Variants in ZNF850 observed in about 807,000 individuals in gnomAD.
ZNF850 encodes putative zinc finger protein ENSP00000330994.
ZNF850 carries 2 observed loss-of-function variants against 11.9 expected under a neutral mutation model. The observed-to-expected ratio is 0.17, with a 90% CI of 0.07 to 0.53. The LOEUF is 0.53. ZNF850 is among the 20% of genes least tolerant of loss of function. The probability of loss-of-function intolerance (pLI) is 0.94; values close to 1 mark genes in which losing one functional copy is unlikely to be tolerated. For synonymous variants in ZNF850, 381 were observed against 443.0 expected, an observed-to-expected ratio of 0.86 and a Z score of 1.76; for missense variants, 1,014 against 1,316.4, an observed-to-expected ratio of 0.77 and a Z score of 3.55.
chr19:36,762,045 C>CAAAAAAAAAAAAAA (rs374193379), intron 3 of ZNF850, among the ~76,000 whole-genome samples: 1 of 114,248 alleles, frequency 8.8e-6, no homozygotes. Context: ...GACTTTGTCT[C>CAAAAAAAAAAAAAA]AAAAAAAAAA....
Position 36,747,974 on chromosome 19 carries a change from T to G in ZNF850, c.3066A>C (p.Ser1022=), listed in dbSNP as rs2040423162. ...KECGKAFRCP[S]QLSQHKRIHT... ...GGATTCGTTTATGTTGACTAAGTTG[T>G]GAAGGACATCTAAAGGCCTTCCCAC... Residue 1022 remains serine, a synonymous_variant, in exon 5 of 5, where the codon TCA becomes TCC. Coordinates refer to ENST00000591344, the MANE Select transcript of ZNF850 (RefSeq NM_001193552.2). 1 of 1,584,214 alleles carries G rather than the reference T, an allele frequency of 6.3e-7. No homozygotes were observed. The highest frequency in any genetic ancestry group is 1.1e-5 in the South Asian group (1 of 87,868).
At chr19:36,767,266 A>T (rs2040554519) in intron 1 of ZNF850, among the ~76,000 whole-genome samples, 1 of 148,360 alleles carries the variant, frequency 6.7e-6, no homozygotes. Flanking sequence ...AAATATAAAA[A>T]TACAAAAAAG....
intron 3 of ZNF850, 104 bp downstream of exon 3, chr19:36,762,200 TC>T: frequency 1.0e-6 from 1 of 970,594 alleles, no homozygotes; most frequent in Non-Finnish European, 1.5e-6. Flanking sequence ...CATCTATTAA[TC>T]TACAAAACAC....
chr19:36,752,723 T>A (rs1284832059), intron 4 of ZNF850, among the ~76,000 whole-genome samples: 1 of 152,078 alleles, frequency 6.6e-6, no homozygotes, highest in East Asian at 1.9e-4. Context: ...CTTCAACATA[T>A]AAATTTCAAG....
chr19:36,765,949 G>A (rs1272808439), intron 1 of ZNF850, among the ~76,000 whole-genome samples: 3 of 150,342 alleles, frequency 2.0e-5, no homozygotes, highest in Non-Finnish European at 3.0e-5. Context: ...CGTGCAGTGA[G>A]GTGATCACAG....
intron 4 of ZNF850, among the ~76,000 whole-genome samples, chr19:36,752,079 G>T (rs928359043): frequency 1.3e-5 from 2 of 152,086 alleles, no homozygotes; most frequent in Admixed American, 1.3e-4. Flanking sequence ...ATTAAAAAAT[G>T]AATCATTGAA....
Position 36,744,786 on chromosome 19 carries a change from TA to T in ZNF850, c.*2980del, listed in dbSNP as rs2040401554. The stretch of plus-strand genomic sequence containing the variant: ...AGAACAAACATTTGATTTGTTTCCA[TA>T]AATTGAGACAAACCTCAACTGACTA... On this transcript the variant is annotated 3_prime_UTR_variant, in exon 5 of 5. Coordinates refer to ENST00000591344, the MANE Select transcript of ZNF850 (RefSeq NM_001193552.2). 6.6e-6 allele frequency: 1 copy of T among 152,116 alleles called. No individual in the cohort carries two copies. The highest frequency in any genetic ancestry group is 2.1e-4 in the South Asian group (1 of 4,828). The allele number at this position is 152,116 out of a possible 1,614,324, so 9.4% of individuals were successfully genotyped here.
chr19:36,757,995 A>T (rs2145962346), intron 4 of ZNF850, among the ~76,000 whole-genome samples: 1 of 152,264 alleles, frequency 6.6e-6, no homozygotes, highest in Non-Finnish European at 1.5e-5. Context: ...CCAAAAAGTG[A>T]ATTTTTCATT....
chr19:36,772,336 C>T lies in ZNF850; in HGVS notation c.-70+389G>A, dbSNP rs182323560. Reference sequence around the variant, plus strand: ...CAATCGCACACATGCCTCCGCATATCCACTTACCCACTGCCTCACAGCCAA... The same window carrying T: ...CAATCGCACACATGCCTCCGCATATTCACTTACCCACTGCCTCACAGCCAA... On this transcript the variant is annotated intron_variant, in intron 1 of 4. Transcript: ENST00000591344. Among the ~76,000 whole-genome samples, 1,153 of 152,268 alleles carry T rather than the reference C, an allele frequency of 7.6e-3. 12 individuals are homozygous for T. Among genetic ancestry groups the T allele is most frequent in the Non-Finnish European group, 0.012 (840 of 68,018 alleles).
chr19:36,758,291 C>T (rs826973), intron 4 of ZNF850, among the ~76,000 whole-genome samples: 125,390 of 152,150 alleles, frequency 0.82, 52,453 homozygotes, highest in Non-Finnish European at 0.88. Flanking sequence ...AATTCAGTAA[C>T]AAAAACAACT....
intron 4 of ZNF850, among the ~76,000 whole-genome samples, chr19:36,753,603 A>C (rs2040467906): frequency 6.6e-6 from 1 of 151,850 alleles, no homozygotes; most frequent in Admixed American, 6.6e-5. Context: ...TTAAAAAAAA[A>C]TTATGCATGA....
At chr19:36,753,689 G>A (rs537964095) in intron 4 of ZNF850, among the ~76,000 whole-genome samples, 9 of 151,802 alleles carry the variant, frequency 5.9e-5, no homozygotes, top group Admixed American at 2.6e-4. Flanking sequence ...TATATGCCAG[G>A]CACTATTTTC....
intron 3 of ZNF850, 133 bp from the exon 4 acceptor site, chr19:36,761,871 C>A (rs879300819): frequency 6.2e-5 from 35 of 560,644 alleles, no homozygotes; most frequent in Middle Eastern, 4.9e-4. Flanking sequence ...CATGGTGAAA[C>A]CCTGTCTCTA....
In ZNF850 at chr19:36,762,645, A is replaced by ACC; in HGVS notation, c.-40_-39insGG. On this transcript the variant is annotated 5_prime_UTR_variant, in exon 2 of 5. The change abolishes the stop of an existing upstream ORF in the 5' untranslated region. Coordinates refer to ENST00000591344, the MANE Select transcript of ZNF850 (RefSeq NM_001193552.2). ...GCAGCCAGCAAACCTCCTTCATAGA[A>ACC]TGGGACATTCCGAATATTCCATGGT... The ACC allele has an allele frequency of 6.5e-7, 1 of 1,527,048 alleles. No individual in the cohort carries two copies. Among genetic ancestry groups the ACC allele is most frequent in the Non-Finnish European group, 8.8e-7 (1 of 1,138,620 alleles). The allele number at this position is 1,527,048 out of a possible 1,614,324, so 94.6% of individuals were successfully genotyped here.
intron 1 of ZNF850, among the ~76,000 whole-genome samples, chr19:36,766,625 C>T (rs1402794796): frequency 6.6e-6 from 1 of 152,198 alleles, no homozygotes; most frequent in East Asian, 1.9e-4. Context: ...GATCTGTCCA[C>T]ATTTAAATTC....
intron 4 of ZNF850, 74 bp from the exon 5 acceptor site, chr19:36,750,878 G>C (rs1446929528): frequency 7.2e-7 from 1 of 1,394,054 alleles, no homozygotes; most frequent in African/African-American, 1.5e-5. Context: ...TGGTAGAAAG[G>C]GGAGACAAAC....
At chr19:36,769,282 AAG>A (rs1568740669) in intron 1 of ZNF850, among the ~76,000 whole-genome samples, 5 of 45,398 alleles carry the variant, frequency 1.1e-4, no homozygotes, top group African/African-American at 2.2e-4. Flanking sequence ...AAAAAAAAGA[AAG>A]AAAGAAAGAA....
chr19:36,768,754 G>C (rs1481191070), intron 1 of ZNF850, among the ~76,000 whole-genome samples: 1 of 151,940 alleles, frequency 6.6e-6, no homozygotes, highest in African/African-American at 2.4e-5. Flanking sequence ...CTGGAGCTCA[G>C]GAGTTCGAGA....
chr19:36,771,636 G>C (rs1259939990), intron 1 of ZNF850, among the ~76,000 whole-genome samples: 2 of 151,942 alleles, frequency 1.3e-5, no homozygotes, highest in African/African-American at 4.8e-5. Context: ...CGGGACCAAT[G>C]AGGGGGTGAA....
Sources: allele counts gnomAD v4.1 joint callset (sites outside exome capture counted in the v4.1 genomes callset), GRCh38; gene constraint gnomAD v4.1.1; transcripts MANE v1.5; gene names NCBI Gene and HGNC (gene_info 2026-07-23, HGNC 2026-07-21).